Variants in RASGRF1 observed in about 807,000 individuals in gnomAD.
The protein encoded by RASGRF1 is ras-specific guanine nucleotide-releasing factor 1.
A neutral mutation model predicts 138.7 loss-of-function variants in RASGRF1; 40 were observed. The ratio of observed to expected loss-of-function variants is 0.29; its 90% CI spans 0.22 to 0.38. The LOEUF (loss-of-function observed/expected upper bound fraction) is 0.38, where lower values mean the gene tolerates loss of function less well. Ranked by LOEUF, RASGRF1 falls within the 10% of genes least tolerant of loss-of-function variation. RASGRF1 has a pLI of 1.00. For missense variants in RASGRF1, 1,108 were observed against 1,650.4 expected, an observed-to-expected ratio of 0.67 and a Z score of 5.69; for synonymous variants, 614 against 663.2, an observed-to-expected ratio of 0.93 and a Z score of 1.14.
chr15:78,989,052 G>T (rs967892644), intron 22 of RASGRF1, among the ~76,000 whole-genome samples: 2 of 152,156 alleles, frequency 1.3e-5, no homozygotes, highest in Non-Finnish European at 2.9e-5. Context: ...CTAGGCACAA[G>T]GTAGGCACCC....
chr15:79,033,995 T>C (rs907459328), intron 6 of RASGRF1, among the ~76,000 whole-genome samples: 2 of 152,204 alleles, frequency 1.3e-5, no homozygotes, highest in Non-Finnish European at 2.9e-5. Flanking sequence ...TGACGGACAA[T>C]GTCTTCAACA....
At chr15:79,058,195 C>T (rs916203162) in intron 3 of RASGRF1, 139 bp downstream of exon 3, 39 of 1,287,310 alleles carry the variant, frequency 3.0e-5, no homozygotes, top group East Asian at 7.2e-5. Flanking sequence ...AGTACCACCA[C>T]GTCCTAAGTT....
chr15:79,067,600 C>T (rs892699961), intron 1 of RASGRF1, among the ~76,000 whole-genome samples: 6 of 152,288 alleles, frequency 3.9e-5, no homozygotes, highest in African/African-American at 1.4e-4. Flanking sequence ...TGCTCGTAAA[C>T]CTGCCCCCTG....
intron 26 of RASGRF1, 51 bp downstream of exon 26, chr15:78,971,815 G>C: frequency 6.7e-7 from 1 of 1,497,194 alleles, no homozygotes; most frequent in South Asian, 1.1e-5. Context: ...AGGTGGCCTA[G>C]ACAGAGCCAC....
intron 2 of RASGRF1, among the ~76,000 whole-genome samples, chr15:79,060,058 A>C (rs935538209): frequency 1.3e-5 from 2 of 151,580 alleles, no homozygotes; most frequent in Admixed American, 6.6e-5. Context: ...TGATGCTTAC[A>C]GTTATAGTGT....
chr15:79,070,246 T>G (rs1410571259), intron 1 of RASGRF1, among the ~76,000 whole-genome samples: 1 of 152,212 alleles, frequency 6.6e-6, no homozygotes, highest in African/African-American at 2.4e-5. Context: ...AGGGTTGCAA[T>G]AGCCCAGCTT....
In RASGRF1 at chr15:79,035,217, G is replaced by T; in HGVS notation, c.879-7C>A. 6.2e-7 allele frequency: 1 copy of T among 1,610,780 alleles called. No homozygotes were observed. Among genetic ancestry groups the T allele is most frequent in the Non-Finnish European group, 8.5e-7 (1 of 1,177,896 alleles). On this transcript the variant is annotated splice_polypyrimidine_tract_variant and splice_region_variant and intron_variant, in intron 5 of 26. Coordinates refer to ENST00000558480, the MANE Select transcript of RASGRF1 (RefSeq NM_001145648.3). The stretch of plus-strand genomic sequence containing the variant: ...TAAAAACATGATGGTTTCGCTGAAA[G>T]AGAAAGCACAGGGTCAGCTCTGCCC...
intron 6 of RASGRF1, among the ~76,000 whole-genome samples, chr15:79,034,372 G>C (rs2057189010): frequency 6.6e-6 from 1 of 152,230 alleles, no homozygotes; most frequent in Non-Finnish European, 1.5e-5. Flanking sequence ...AACTAGAGCA[G>C]TGCAGCCATC....
At chr15:78,975,489 G>A (rs2055852751) in intron 24 of RASGRF1, among the ~76,000 whole-genome samples, 1 of 149,656 alleles carries the variant, frequency 6.7e-6, no homozygotes, top group African/African-American at 2.5e-5. Flanking sequence ...TACATGCACA[G>A]GTCTTCATTT....
chr15:78,974,660 T>C (rs1396774282), intron 24 of RASGRF1, among the ~76,000 whole-genome samples: 3 of 152,222 alleles, frequency 2.0e-5, no homozygotes, highest in African/African-American at 7.2e-5. Flanking sequence ...AGCGCCTCAT[T>C]TGGTGATAGT....
At chr15:79,042,195 C>G (rs533192452) in intron 5 of RASGRF1, among the ~76,000 whole-genome samples, 1 of 152,362 alleles carries the variant, frequency 6.6e-6, no homozygotes, top group African/African-American at 2.4e-5. Flanking sequence ...ATCTGCCAAG[C>G]TGGAGAGAGG....
chr15:79,001,143 A>C (rs1429093509), intron 16 of RASGRF1, among the ~76,000 whole-genome samples: 1 of 152,144 alleles, frequency 6.6e-6, no homozygotes, highest in Non-Finnish European at 1.5e-5. Context: ...CGCCTCTTGG[A>C]GTCTTTCCCC....
intron 11 of RASGRF1, among the ~76,000 whole-genome samples, chr15:79,019,474 C>T (rs1463875545): frequency 6.6e-6 from 1 of 152,208 alleles, no homozygotes; most frequent in East Asian, 1.9e-4. Flanking sequence ...AGCCCCTTCT[C>T]ACCGAGGTCT....
In RASGRF1 at chr15:78,985,039, G is replaced by A; in HGVS notation, c.3382C>T (p.Leu1128Phe). ...SSMNRSAIFRLKKTWLKVSKQ... is the reference protein window; with the variant it reads ...SSMNRSAIFRFKKTWLKVSKQ... ...GAGACTTTGAGCCACGTCTTTTTGA[G>A]CCGGAAGATTGCACTGCGGTTCATG... is the stretch of plus-strand genomic sequence containing the variant. The change falls in exon 23 of 27, where the codon CTC becomes TTC. Residue 1128 changes from leucine (L) to phenylalanine (F), a missense_variant. By Grantham distance (22) the Leu-to-Phe change is conservative (BLOSUM62 0). Transcript: ENST00000558480. 1 of 1,614,112 alleles carries A rather than the reference G, an allele frequency of 6.2e-7. No homozygotes were observed. The highest frequency in any genetic ancestry group is 8.5e-7 in the Non-Finnish European group (1 of 1,180,000).
At chr15:79,064,619 G>A (rs1424043579) in intron 1 of RASGRF1, 93 bp from the exon 2 acceptor site, 5 of 1,154,446 alleles carry the variant, frequency 4.3e-6, no homozygotes, top group South Asian at 1.2e-5. Context: ...CAAAGTGCCT[G>A]CTGCCACATC....
chr15:79,048,256 C>T (rs2057381439), intron 4 of RASGRF1, among the ~76,000 whole-genome samples: 1 of 152,080 alleles, frequency 6.6e-6, no homozygotes, highest in African/African-American at 2.4e-5. Context: ...GTGAGGCTAG[C>T]TGGGGGTGGG....
rs1449098858 is a variant in RASGRF1 at position 79,050,385 on chromosome 15, A to G, written c.532-797T>C. Reference sequence around the variant, plus strand: ...TGTGTGTGTAGACCACATTTTATTTATCCATTCCCCCTTTGATGGGCATCT... The same window carrying G: ...TGTGTGTGTAGACCACATTTTATTTGTCCATTCCCCCTTTGATGGGCATCT... On this transcript the variant is annotated intron_variant, in intron 3 of 26. Transcript: ENST00000558480. The surrounding 1 kb of genome is among the most constrained non-coding windows in gnomAD (Gnocchi z 4.1). Among the ~76,000 whole-genome samples the G allele has an allele frequency of 6.6e-6, 1 of 152,112 alleles. No homozygotes were observed. The highest frequency in any genetic ancestry group is 1.5e-5 in the Non-Finnish European group (1 of 68,012).
At position 78,998,177 on chromosome 15, in the gene RASGRF1, T is replaced by G. The variant is rs1210266416; in HGVS notation, c.2885A>C (p.Lys962Thr). 1.2e-6 allele frequency: 2 copies of G among 1,614,182 alleles called. No homozygotes were observed. The highest frequency in any genetic ancestry group is 1.7e-6 in the Non-Finnish European group (2 of 1,180,002). ...GACTTCTTCCAGGAAGCCGATCACC[T>G]TGCATTTGAGCTCATCGTTGGTCTC... ...DFETNDELKC[K>T]VIGFLEEVMH... is the part of the protein sequence containing the mutation. Residue 962 changes from lysine (K) to threonine (T), a missense_variant, in exon 19 of 27, where the codon AAG (lysine) becomes ACG (threonine). Lys to Thr is a moderately conservative substitution (Grantham distance 78). Around this residue, in one of 3 missense-constraint regions of RASGRF1, gnomAD observed 686 missense variants for 976.7 expected, o/e 0.70. Coordinates refer to ENST00000558480, the MANE Select transcript of RASGRF1 (RefSeq NM_001145648.3).
chr15:79,014,282 A>T (rs966497923), intron 13 of RASGRF1, among the ~76,000 whole-genome samples: 13 of 152,258 alleles, frequency 8.5e-5, no homozygotes, highest in Non-Finnish European at 1.9e-4. Flanking sequence ...TACGCAAAAA[A>T]GATCCTTGCT....
Sources: gnomAD v4.1 joint callset for allele counts (sites outside exome capture counted in the v4.1 genomes callset) on GRCh38, gnomAD v4.1.1 for gene constraint, gnomAD v4.1.1 regional missense constraint, Gnocchi (gnomAD v3.1) non-coding constraint, MANE v1.5 for transcripts, NCBI Gene and HGNC (gene_info 2026-07-23, HGNC 2026-07-21) for gene names.